The following PLCG2 variants were observed in gnomAD, a reference collection of about 807,000 sequenced individuals.
PLCG2 encodes the protein 1-phosphatidylinositol 4,5-bisphosphate phosphodiesterase gamma-2.
PLCG2 carries 69 observed loss-of-function variants against 175.6 expected under a neutral mutation model. The ratio of observed to expected loss-of-function variants is 0.39; its 90% confidence interval spans 0.32 to 0.48. PLCG2 has a LOEUF of 0.48. PLCG2 is among the 20% of genes least tolerant of loss of function. The pLI is 0.91. For missense variants in PLCG2, 1,798 were observed against 1,650.9 expected (o/e 1.09, Z -1.54); for synonymous variants, 827 against 624.0 (o/e 1.33, Z -4.85).
At chr16:81,928,718 G>T (rs528171433) in intron 24 of PLCG2, 94 bp downstream of exon 24, 2 of 828,590 alleles carry the variant, frequency 2.4e-6, no homozygotes, top group Non-Finnish European at 4.2e-6. Context: ...GCTGACACAG[G>T]GTCCTGTCTT....
chr16:81,795,395 G>A (rs1213820558), intron 2 of PLCG2, among the ~76,000 whole-genome samples: 2 of 152,210 alleles, frequency 1.3e-5, no homozygotes, highest in African/African-American at 4.8e-5. Context: ...GAGCATTCTG[G>A]CATAGGGCAT....
At chr16:81,876,688 T>C (rs966783669) in intron 7 of PLCG2, among the ~76,000 whole-genome samples, 8 of 152,316 alleles carry the variant, frequency 5.3e-5, no homozygotes, top group Non-Finnish European at 7.4e-5. Flanking sequence ...AATACAGCTG[T>C]TTCTCCTGAC....
chr16:81,780,452 C>G (rs927715944), intron 1 of PLCG2, among the ~76,000 whole-genome samples: 1 of 152,188 alleles, frequency 6.6e-6, no homozygotes, highest in African/African-American at 2.4e-5. Flanking sequence ...TCCTTGACTA[C>G]AGTTCTGCGG....
rs150640292 is a variant in PLCG2 at position 81,902,667 on chromosome 16, C to T, written c.1362+1887C>T. On this transcript the variant is annotated intron_variant, in intron 14 of 32. Transcript: ENST00000564138. ...CATTCATAAAAGCTCTACCCTCATTCCCGTTCATGAGGACTCTACCCTCAT... is the reference window on the plus strand; with the variant it reads ...CATTCATAAAAGCTCTACCCTCATTTCCGTTCATGAGGACTCTACCCTCAT... Among the ~76,000 whole-genome samples the T allele has an allele frequency of 3.3e-3, 502 of 152,194 alleles. 1 individual carries two copies. The highest frequency in any genetic ancestry group is 0.011 in the African/African-American group (475 of 41,492).
intron 2 of PLCG2, among the ~76,000 whole-genome samples, chr16:81,808,300 A>T (rs916581174): frequency 6.6e-6 from 1 of 152,148 alleles, no homozygotes; most frequent in East Asian, 1.9e-4. Context: ...TTTGGAGGCA[A>T]ACCCCTCCCC....
intron 26 of PLCG2, chr16:81,935,618 A>C: frequency 2.0e-6 from 2 of 985,238 alleles, no homozygotes; most frequent in Non-Finnish European, 2.4e-6. Context: ...ACCTTCAGGG[A>C]CTCAGCAGGC....
intron 2 of PLCG2, among the ~76,000 whole-genome samples, chr16:81,795,864 C>T (rs1461374273): frequency 6.6e-6 from 1 of 152,188 alleles, no homozygotes; most frequent in African/African-American, 2.4e-5. Flanking sequence ...TGTGCCCGGC[C>T]CCCTCCCACC....
intron 28 of PLCG2, chr16:81,938,390 G>A (rs1048998705): frequency 9.7e-6 from 2 of 206,014 alleles, no homozygotes; most frequent in East Asian, 1.1e-4. Context: ...GTGGTAGGGG[G>A]AAGAAGCATA....
chr16:81,816,570 C>T (rs558983262), intron 2 of PLCG2, among the ~76,000 whole-genome samples: 11 of 149,580 alleles, frequency 7.4e-5, no homozygotes, highest in African/African-American at 2.7e-4. Context: ...CCTTGACCTC[C>T]TGGGCTCAAA....
rs1025387252 is a variant in PLCG2, at chr16:81,960,412, T to C, written c.*2414T>C. On this transcript the variant is annotated 3_prime_UTR_variant, in exon 33 of 33. Transcript: ENST00000564138. ...AGCACTGATAGATCAAAACCACCAC[T>C]GCATATGTATTACACTGTTTTTGTT... 3 of 225,348 alleles carry C rather than the reference T, an allele frequency of 1.3e-5. No homozygotes were observed. The highest frequency in any genetic ancestry group is 2.2e-5 in the African/African-American group (1 of 44,868). 14.0% of individuals were successfully genotyped at this position (225,348 alleles called of 1,614,324 possible).
intron 2 of PLCG2, among the ~76,000 whole-genome samples, chr16:81,756,956 G>C: frequency 6.6e-6 from 1 of 152,192 alleles, no homozygotes; most frequent in East Asian, 1.9e-4. Flanking sequence ...TGGGATTCCA[G>C]TGGTTCCTAC....
chr16:81,750,005 C>T (rs532636565), intron 1 of PLCG2, among the ~76,000 whole-genome samples: 1 of 151,336 alleles, frequency 6.6e-6, no homozygotes, highest in African/African-American at 2.4e-5. Flanking sequence ...TGCAATATAC[C>T]GTTAAGTAAA....
At chr16:81,853,868 G>C (rs1007794521) in intron 2 of PLCG2, among the ~76,000 whole-genome samples, 1 of 152,086 alleles carries the variant, frequency 6.6e-6, no homozygotes, top group Non-Finnish European at 1.5e-5. Context: ...CAGGCCCTGT[G>C]ATATCCAGAA....
rs117206583 is a variant in PLCG2, at chr16:81,950,208, C to T, written c.3570+3945C>T. On this transcript the variant is annotated intron_variant, in intron 31 of 32. Coordinates refer to ENST00000564138, the MANE Select transcript of PLCG2 (RefSeq NM_002661.5). ...AGAAATCTACCTGCAGTGTTTACAA[C>T]AAGAGGCCTAAAGGCAAGGTAAATA... 1.6e-4 allele frequency among the ~76,000 whole-genome samples: 24 copies of T among 152,092 alleles called. No individual in the cohort carries two copies. The East Asian group carries it at 4.6e-3, about 29-fold the overall frequency.
At chr16:81,783,582 A>G (rs1009982262) in intron 1 of PLCG2, among the ~76,000 whole-genome samples, 13 of 152,260 alleles carry the variant, frequency 8.5e-5, no homozygotes, top group East Asian at 3.9e-4. Flanking sequence ...GCTGGTCTAC[A>G]TGACTTTGAT....
chr16:81,933,200 A>C (rs532735073), intron 25 of PLCG2, among the ~76,000 whole-genome samples: 4 of 152,114 alleles, frequency 2.6e-5, no homozygotes, highest in Non-Finnish European at 4.4e-5. Flanking sequence ...ATTTCATGAG[A>C]ATGATTTTTA....
chr16:81,919,497 G>A lies in PLCG2; in HGVS notation c.2068G>A (p.Val690Ile). The A allele has an allele frequency of 1.9e-6, 3 of 1,613,962 alleles. No individual in the cohort carries two copies. The highest frequency in any genetic ancestry group is 1.3e-5 in the African/African-American group (1 of 75,024). Reference sequence around the variant, plus strand: ...TTCCTGCTCCAGGGCTAGGGGCAAGGTAAAGCATTGTCGCATCAACCGGGA... The same window carrying A: ...TTCCTGCTCCAGGGCTAGGGGCAAGATAAAGCATTGTCGCATCAACCGGGA... ...YAITFRARGKVKHCRINRDGR... is the reference protein window; with the variant it reads ...YAITFRARGKIKHCRINRDGR... Residue 690 changes from valine to isoleucine, a missense_variant, in exon 20 of 33, where the codon GTA becomes ATA. By Grantham distance (29) the Val-to-Ile change is conservative (BLOSUM62 3). Transcript: ENST00000564138.
At chr16:81,898,838 C>T (rs367618764) in intron 13 of PLCG2, among the ~76,000 whole-genome samples, 21 of 152,104 alleles carry the variant, frequency 1.4e-4, no homozygotes, top group African/African-American at 4.6e-4. Flanking sequence ...TGGGGGATGT[C>T]TGCGCCTTAT....
intron 2 of PLCG2, among the ~76,000 whole-genome samples, chr16:81,811,740 G>A (rs1904329451): frequency 6.6e-6 from 1 of 152,162 alleles, no homozygotes; most frequent in African/African-American, 2.4e-5. Flanking sequence ...TGGTGTATAT[G>A]TGCCACATTT....
Sources: gnomAD v4.1 joint callset for allele counts (sites outside exome capture counted in the v4.1 genomes callset) on GRCh38, gnomAD v4.1.1 for gene constraint, MANE v1.5 for transcripts, NCBI Gene and HGNC (gene_info 2026-07-23, HGNC 2026-07-21) for gene names.